CNTN6: variants seen among roughly 807,000 people sequenced by gnomAD.
CNTN6 encodes contactin-6.
A neutral mutation model predicts 122.8 loss-of-function variants in CNTN6; 137 were observed. The observed-to-expected ratio is 1.12, with a 90% confidence interval of 0.97 to 1.29. The LOEUF is 1.29. Ranked by LOEUF, CNTN6 falls within the 50% of genes most tolerant of loss-of-function variation. The pLI, the probability that CNTN6 is intolerant of heterozygous loss-of-function variation, is 0.00. For synonymous variants in CNTN6, 570 were observed against 426.0 expected (o/e 1.34, Z -4.16); for missense variants, 1,634 against 1,223.4 (o/e 1.34, Z -5.01).
intron 4 of CNTN6, among the ~76,000 whole-genome samples, chr3:1,267,584 C>T (rs981905239): frequency 7.2e-5 from 11 of 152,094 alleles, no homozygotes. Context: ...CTAATAAACA[C>T]TTGATATTGG....
intron 17 of CNTN6, 89 bp from the exon 18 acceptor site, chr3:1,382,853 G>A: frequency 1.1e-6 from 1 of 884,778 alleles, no homozygotes; most frequent in South Asian, 1.7e-5. Flanking sequence ...TTGTCTCTAT[G>A]GAAGAAATGT....
chr3:1,247,853 A>T (rs960390797), intron 4 of CNTN6, among the ~76,000 whole-genome samples: 1 of 141,904 alleles, frequency 7.0e-6, no homozygotes, highest in Non-Finnish European at 1.5e-5. Flanking sequence ...AACATTTGTT[A>T]AAAAAAAAAT....
intron 1 of CNTN6, among the ~76,000 whole-genome samples, chr3:1,133,495 C>T (rs2092392131): frequency 6.6e-6 from 1 of 152,166 alleles, no homozygotes. Context: ...GAAACTAAGG[C>T]ACAGAAGAGT....
chr3:1,284,402 C>G (rs536900082), intron 5 of CNTN6, among the ~76,000 whole-genome samples: 13 of 152,194 alleles, frequency 8.5e-5, no homozygotes, highest in African/African-American at 3.1e-4. Flanking sequence ...GTGGGTAGGT[C>G]AAATTGGCAG....
intron 2 of CNTN6, among the ~76,000 whole-genome samples, chr3:1,162,520 G>C (rs1359307271): frequency 6.6e-6 from 1 of 152,168 alleles, no homozygotes; most frequent in Non-Finnish European, 1.5e-5. Flanking sequence ...ATTGCCAATT[G>C]TCTTTTCCAC....
At chr3:1,245,588 G>A (rs1286149383) in intron 4 of CNTN6, among the ~76,000 whole-genome samples, 2 of 150,854 alleles carry the variant, frequency 1.3e-5, no homozygotes, top group Admixed American at 6.7e-5. Context: ...TACAGTGTAC[G>A]TGGCTCAGGT....
At chr3:1,355,651 A>G (rs1706426089) in intron 12 of CNTN6, among the ~76,000 whole-genome samples, 1 of 151,754 alleles carries the variant, frequency 6.6e-6, no homozygotes, top group African/African-American at 2.4e-5. Flanking sequence ...ACAGAATCAA[A>G]TATAATTTTG....
At chr3:1,383,200 T>G in intron 18 of CNTN6, 24 bp downstream of exon 18, 1 of 1,603,636 alleles carries the variant, frequency 6.2e-7, no homozygotes. Context: ...AACTCTGGTT[T>G]TCTTTGAGAC....
intron 17 of CNTN6, among the ~76,000 whole-genome samples, chr3:1,381,966 G>C (rs1460945599): frequency 9.3e-3 from 1 of 108 alleles, no homozygotes; most frequent in Non-Finnish European, 0.02. Context: ...GTTCCAAGTG[G>C]CAAGTAGATA....
chr3:1,302,787 A>G (rs904708623), intron 7 of CNTN6, among the ~76,000 whole-genome samples: 1 of 151,932 alleles, frequency 6.6e-6, no homozygotes, highest in Non-Finnish European at 1.5e-5. Context: ...TCCTGAGTCT[A>G]TGGTTTGGTG....
At chr3:1,196,707 A>G (rs955267231) in intron 2 of CNTN6, among the ~76,000 whole-genome samples, 5 of 152,196 alleles carry the variant, frequency 3.3e-5, no homozygotes, top group Non-Finnish European at 7.3e-5. Flanking sequence ...GTGTCTGGTG[A>G]TGGGTTTATA....
Position 1,373,592 on chromosome 3 carries a change from A to AT in CNTN6, c.1787-5dup, listed in dbSNP as rs566355442. The stretch of plus-strand genomic sequence containing the variant: ...ATCTCCAATGGAGTCATGATAAAAC[A>AT]TTTTTTTCAAGGTCCACCAGGTCCT... On this transcript the variant is annotated splice_polypyrimidine_tract_variant and intron_variant, in intron 14 of 22. Coordinates refer to ENST00000446702, the MANE Select transcript of CNTN6 (RefSeq NM_001289080.2). 21 of 1,608,894 alleles carry AT rather than the reference A, an allele frequency of 1.3e-5. No individual in the cohort carries two copies. In the East Asian group the frequency reaches 4.5e-4, roughly 34 times the overall value.
intron 2 of CNTN6, among the ~76,000 whole-genome samples, chr3:1,152,821 T>A (rs2092877732): frequency 6.6e-6 from 1 of 152,220 alleles, no homozygotes; most frequent in Non-Finnish European, 1.5e-5. Flanking sequence ...TAGCACAATT[T>A]TATCTGCGGA....
intron 1 of CNTN6, among the ~76,000 whole-genome samples, chr3:1,093,391 A>C (rs2090342874): frequency 6.6e-6 from 1 of 152,208 alleles, no homozygotes; most frequent in Non-Finnish European, 1.5e-5. Flanking sequence ...TATATTTCTC[A>C]GTGTTTCACT....
Position 1,385,640 on chromosome 3 carries a change from A to G in CNTN6, c.2547A>G (p.Glu849=), listed in dbSNP as rs558551998. Residue 849 remains glutamate, a synonymous_variant, in exon 20 of 23, where the codon GAA becomes GAG. Transcript: ENST00000446702. ...TATACTGGACAGATGACTCCAAAGA[A>G]TCCATGATAGGTAAAATTAGAGTCA... ...EVLYWTDDSK[E]SMIGKIRVSG... is the part of the protein sequence containing the mutation. The G allele has an allele frequency of 6.2e-7, 1 of 1,614,020 alleles. No homozygotes were observed. The highest frequency in any genetic ancestry group is 1.7e-5 in the Admixed American group (1 of 60,008).
Position 1,352,223 on chromosome 3 carries a change from T to A in CNTN6, c.1365-101T>A, listed in dbSNP as rs904466770. The A allele has an allele frequency of 2.8e-6, 3 of 1,055,840 alleles. No homozygotes were observed. The African/African-American group carries it at 4.9e-5, about 17-fold the overall frequency. The allele number at this position is 1,055,840 out of a possible 1,614,324, so 65.4% of individuals were successfully genotyped here. Reference sequence around the variant, plus strand: ...AAAGGAAAAAATTCATATTATCACATACACCCATGATTTTAGTAAAGTTTT... The same window carrying A: ...AAAGGAAAAAATTCATATTATCACAAACACCCATGATTTTAGTAAAGTTTT... On this transcript the variant is annotated intron_variant, in intron 11 of 22. Transcript: ENST00000446702.
chr3:1,224,959 G>C (rs1415154690), intron 3 of CNTN6, among the ~76,000 whole-genome samples: 8 of 151,950 alleles, frequency 5.3e-5, no homozygotes, highest in African/African-American at 1.7e-4. Context: ...TGCTGGCCAG[G>C]CTGGTCTTGA....
chr3:1,218,788 A>T (rs1258258208), intron 2 of CNTN6, among the ~76,000 whole-genome samples: 4 of 152,210 alleles, frequency 2.6e-5, no homozygotes, highest in Non-Finnish European at 5.9e-5. Context: ...CTCAAAAAAA[A>T]ATGAGTACGG....
At chr3:1,097,364 T>C (rs1460795274) in intron 1 of CNTN6, among the ~76,000 whole-genome samples, 2 of 152,310 alleles carry the variant, frequency 1.3e-5, no homozygotes, top group South Asian at 4.1e-4. Flanking sequence ...ATGTATTAGG[T>C]TTACAATTAA....
Sources: gnomAD v4.1 joint callset for allele counts (sites outside exome capture counted in the v4.1 genomes callset) on GRCh38, gnomAD v4.1.1 for gene constraint, MANE v1.5 for transcripts, NCBI Gene and HGNC (gene_info 2026-07-23, HGNC 2026-07-21) for gene names.